The following EXOC6B variants were observed in gnomAD, a reference collection of about 807,000 sequenced individuals.
EXOC6B encodes the protein exocyst complex component 6B, also known as SEC15 homolog B.
In EXOC6B, 54 loss-of-function variants were observed where a neutral mutation model predicts 113.5. The observed-to-expected ratio is 0.48, with a 90% CI of 0.38 to 0.60. EXOC6B has a LOEUF of 0.60. EXOC6B is among the 20% of genes least tolerant of loss of function. The pLI, the probability that EXOC6B is intolerant of heterozygous loss-of-function variation, is 0.00. For synonymous variants in EXOC6B, 357 were observed against 339.0 expected (o/e 1.05, Z -0.58); for missense variants, 797 against 977.5 (o/e 0.82, Z 2.46).
In EXOC6B at chr2:72,543,517, G is replaced by C. The variant is rs73943198; in HGVS notation, c.915+15936C>G. Among the ~76,000 whole-genome samples, 1,273 of 152,206 alleles carry C rather than the reference G, an allele frequency of 8.4e-3. 23 individuals carry two copies. Among genetic ancestry groups the C allele is most frequent in the African/African-American group, 0.029 (1,193 of 41,518 alleles). ...GGAAAAATGAATGCAAGCATGTCTA[G>C]AGATCAAAACAAACACACACTCTCT... is the stretch of plus-strand genomic sequence containing the variant. On this transcript the variant is annotated intron_variant, in intron 8 of 21. Coordinates refer to ENST00000272427, the MANE Select transcript of EXOC6B (RefSeq NM_015189.3).
chr2:72,363,964 T>C lies in EXOC6B; in HGVS notation c.2122+15765A>G, dbSNP rs139328887. ...ACCTAAGAAAATGGAAGACCTGACC[T>C]CATATTCAAAAACACTCAAGGTATA... On this transcript the variant is annotated intron_variant, in intron 19 of 21. Transcript: ENST00000272427. 4.9e-3 allele frequency among the ~76,000 whole-genome samples: 739 copies of C among 152,144 alleles called. 8 individuals carry two copies. The highest frequency in any genetic ancestry group is 0.017 in the African/African-American group (686 of 41,532).
At chr2:72,624,023 C>T (rs905014715) in intron 6 of EXOC6B, among the ~76,000 whole-genome samples, 1 of 152,052 alleles carries the variant, frequency 6.6e-6, no homozygotes, top group African/African-American at 2.4e-5. Context: ...AACTAAATGC[C>T]GAAAGACAAT....
At chr2:72,358,657 C>G (rs1690114017) in intron 19 of EXOC6B, among the ~76,000 whole-genome samples, 1 of 152,022 alleles carries the variant, frequency 6.6e-6, no homozygotes, top group African/African-American at 2.4e-5. Flanking sequence ...TTTCTATTAC[C>G]TAAGATTTTA....
At chr2:72,370,945 A>T (rs909063336) in intron 19 of EXOC6B, among the ~76,000 whole-genome samples, 10 of 152,002 alleles carry the variant, frequency 6.6e-5, no homozygotes, top group Non-Finnish European at 1.3e-4. Context: ...ACATGTATAT[A>T]TATGTAACAA....
intron 20 of EXOC6B, among the ~76,000 whole-genome samples, chr2:72,245,681 G>A (rs991104592): frequency 6.6e-6 from 1 of 152,096 alleles, no homozygotes; most frequent in Non-Finnish European, 1.5e-5. Context: ...CAGAGCGCAG[G>A]GCAGTGAAAC....
In EXOC6B at chr2:72,610,163, T is replaced by A. The variant is rs566446871; in HGVS notation, c.670-34495A>T. Among the ~76,000 whole-genome samples the A allele has an allele frequency of 5.0e-4, 76 of 152,098 alleles. 1 individual carries two copies. Among genetic ancestry groups the A allele is most frequent in the Non-Finnish European group, 7.4e-4 (50 of 67,978 alleles). ...TATGGCTATCTTAATATTAAGCAAATCAATCTCAGAACAAAGCATATTATC... is the reference window on the plus strand; with the variant it reads ...TATGGCTATCTTAATATTAAGCAAAACAATCTCAGAACAAAGCATATTATC... On this transcript the variant is annotated intron_variant, in intron 6 of 21. Coordinates refer to ENST00000272427, the MANE Select transcript of EXOC6B (RefSeq NM_015189.3).
chr2:72,213,408 T>C (rs947011706), intron 20 of EXOC6B, among the ~76,000 whole-genome samples: 1 of 128,766 alleles, frequency 7.8e-6, no homozygotes, highest in East Asian at 2.0e-4. Context: ...GGTGGAAATA[T>C]TCCTCCTAGA....
At chr2:72,685,184 T>C (rs1409263527) in intron 6 of EXOC6B, among the ~76,000 whole-genome samples, 10 of 152,138 alleles carry the variant, frequency 6.6e-5, no homozygotes, top group Non-Finnish European at 1.0e-4. Flanking sequence ...GGTAAGTAAA[T>C]ATGGTTGTTG....
intron 19 of EXOC6B, among the ~76,000 whole-genome samples, chr2:72,351,454 C>T (rs767512192): frequency 2.0e-5 from 3 of 152,166 alleles, no homozygotes; most frequent in Non-Finnish European, 2.9e-5. Context: ...ACTGACTCAA[C>T]GTCTTTATCT....
At chr2:72,258,566 C>T (rs1463886378) in intron 20 of EXOC6B, among the ~76,000 whole-genome samples, 1 of 151,566 alleles carries the variant, frequency 6.6e-6, no homozygotes, top group Non-Finnish European at 1.5e-5. Context: ...ATAAGGGTCT[C>T]CCTATGTTGC....
Position 72,385,623 on chromosome 2 carries a change from A to G in EXOC6B, c.1981-5753T>C, listed in dbSNP as rs571468351. ...CTTGCAAACCACACATCTGATAAGGAGTTAACATCCAAACTATATAAGGAA... is the reference window on the plus strand; with the variant it reads ...CTTGCAAACCACACATCTGATAAGGGGTTAACATCCAAACTATATAAGGAA... On this transcript the variant is annotated intron_variant, in intron 18 of 21. Coordinates refer to ENST00000272427, the MANE Select transcript of EXOC6B (RefSeq NM_015189.3). 4.6e-5 allele frequency among the ~76,000 whole-genome samples: 7 copies of G among 152,244 alleles called. No homozygotes were observed. The South Asian group carries it at 8.3e-4, about 18-fold the overall frequency.
rs1053908520 is a variant in EXOC6B at position 72,377,425 on chromosome 2, C to T, written c.2122+2304G>A. Among the ~76,000 whole-genome samples, 14 of 151,970 alleles carry T rather than the reference C, an allele frequency of 9.2e-5. No homozygotes were observed. The East Asian group carries it at 1.3e-3, about 15-fold the overall frequency. ...ACTCCTATGTTCATTGTAGCATTATCGCAATAGCCAAGATATGGAATCAAT... is the reference window on the plus strand; with the variant it reads ...ACTCCTATGTTCATTGTAGCATTATTGCAATAGCCAAGATATGGAATCAAT... On this transcript the variant is annotated intron_variant, in intron 19 of 21. Coordinates refer to ENST00000272427, the MANE Select transcript of EXOC6B (RefSeq NM_015189.3).
intron 19 of EXOC6B, among the ~76,000 whole-genome samples, chr2:72,378,639 A>G (rs143200502): frequency 3.5e-4 from 53 of 152,228 alleles, no homozygotes; most frequent in African/African-American, 1.3e-3. Context: ...AATTAAAAAT[A>G]GCACTGCCAA....
chr2:72,686,744 A>C (rs772385025), intron 6 of EXOC6B, among the ~76,000 whole-genome samples: 2 of 152,226 alleles, frequency 1.3e-5, no homozygotes, highest in Admixed American at 6.5e-5. Flanking sequence ...ACAAAAGAAG[A>C]AGCCCAGTAC....
intron 20 of EXOC6B, among the ~76,000 whole-genome samples, chr2:72,243,353 T>C (rs1015550682): frequency 2.0e-5 from 3 of 152,096 alleles, no homozygotes; most frequent in Admixed American, 1.3e-4. Context: ...CAAATATCCA[T>C]CAATGATAGA....
chr2:72,786,274 A>C (rs2105014862), intron 1 of EXOC6B, among the ~76,000 whole-genome samples: 1 of 152,370 alleles, frequency 6.6e-6, no homozygotes, highest in Non-Finnish European at 1.5e-5. Flanking sequence ...GTGACCTAGA[A>C]GTTGGAGAAA....
intron 20 of EXOC6B, among the ~76,000 whole-genome samples, chr2:72,224,982 A>ATGTG (rs200553877): frequency 5.8e-5 from 8 of 137,152 alleles, no homozygotes; most frequent in South Asian, 2.2e-4. Flanking sequence ...CTCTCTCTGT[A>ATGTG]TGTGTGTGTG....
chr2:72,656,143 C>A, intron 6 of EXOC6B, among the ~76,000 whole-genome samples: 1 of 151,954 alleles, frequency 6.6e-6, no homozygotes, highest in Admixed American at 6.6e-5. Flanking sequence ...ACTAAAATAT[C>A]TGATGTTAAA....
intron 20 of EXOC6B, among the ~76,000 whole-genome samples, chr2:72,205,533 G>C (rs778589211): frequency 1.3e-5 from 2 of 152,158 alleles, no homozygotes; most frequent in Non-Finnish European, 2.9e-5. Context: ...GTAAAAAGTG[G>C]TCAGGAAGCC....
Sources: gnomAD v4.1 joint callset for allele counts (sites outside exome capture counted in the v4.1 genomes callset) on GRCh38, gnomAD v4.1.1 for gene constraint, MANE v1.5 for transcripts, NCBI Gene and HGNC (gene_info 2026-07-23, HGNC 2026-07-21) for gene names.